Variants in PUM2 observed in about 807,000 individuals in gnomAD.
The protein encoded by PUM2 is pumilio RNA binding family member 2.
A neutral mutation model predicts 124.5 loss-of-function variants in PUM2; 57 were observed. The ratio of observed to expected loss-of-function variants is 0.46; its 90% CI spans 0.37 to 0.57. PUM2 has a LOEUF of 0.57. Among genes scored for constraint, PUM2 ranks in the 20% least tolerant of loss-of-function variants. PUM2 has a pLI of 0.00. For synonymous variants in PUM2, 460 were observed against 446.1 expected, an observed-to-expected ratio of 1.03 and a Z score of -0.39; for missense variants, 1,065 against 1,290.6, an observed-to-expected ratio of 0.83 and a Z score of 2.68.
rs116216956 is a variant in PUM2, at chr2:20,298,049, T to G, written c.884-371A>C. On this transcript the variant is annotated intron_variant, in intron 7 of 20. Coordinates refer to ENST00000361078, the MANE Select transcript of PUM2 (RefSeq NM_015317.5). ...GAGAGCCAGAACTGCTACTGGTAAA[T>G]AGTAGTTTTTCACTCAATCTTATAA... Among the ~76,000 whole-genome samples the G allele has an allele frequency of 4.6e-5, 7 of 152,282 alleles. No individual in the cohort carries two copies. In the East Asian group the frequency reaches 1.3e-3, roughly 29 times the overall value.
rs1662713808 is a variant in PUM2, at chr2:20,249,259, C to T, written c.*2326G>A. The stretch of plus-strand genomic sequence containing the variant: ...TGTACAAAGACAGGAAAGCCATTAC[C>T]AATCTCCAACATGACAGCTTTGATC... On this transcript the variant is annotated 3_prime_UTR_variant, in exon 21 of 21. Coordinates refer to ENST00000361078, the MANE Select transcript of PUM2 (RefSeq NM_015317.5). The T allele has an allele frequency of 6.6e-6, 1 of 152,264 alleles. No individual in the cohort carries two copies. The highest frequency in any genetic ancestry group is 6.5e-5 in the Admixed American group (1 of 15,282). 9.4% of individuals were successfully genotyped at this position (152,264 alleles called of 1,614,324 possible). A position where few individuals can be genotyped will look rare whatever the true frequency, so the allele number is the denominator to read the frequency against.
intron 13 of PUM2, among the ~76,000 whole-genome samples, chr2:20,276,330 A>C (rs532562755): frequency 6.6e-6 from 1 of 151,986 alleles, no homozygotes; most frequent in African/African-American, 2.4e-5. Flanking sequence ...CAAATAACTA[A>C]CACTAACAAA....
chr2:20,263,165 T>C (rs371803768), intron 14 of PUM2, 28 bp downstream of exon 14: 7 of 1,543,590 alleles, frequency 4.5e-6, no homozygotes, highest in Non-Finnish European at 6.2e-6. Context: ...AAAGCAAAAA[T>C]GAAGTGAGAA....
chr2:20,344,055 CTTTAT>C (rs74852145), intron 1 of PUM2, among the ~76,000 whole-genome samples: 4 of 151,550 alleles, frequency 2.6e-5, no homozygotes, highest in African/African-American at 7.3e-5. Flanking sequence ...TATCATTTTA[CTTTAT>C]TTTATTTTAC....
intron 13 of PUM2, among the ~76,000 whole-genome samples, chr2:20,276,120 A>G (rs1161928178): frequency 1.3e-5 from 2 of 152,092 alleles, no homozygotes; most frequent in Non-Finnish European, 2.9e-5. Context: ...AATTTGAACA[A>G]GTGTTTTAGA....
At chr2:20,350,885 A>C, upstream of PUM2, 7 of 679,690 alleles carry the variant, frequency 1.0e-5, no homozygotes, top group Non-Finnish European at 1.1e-5. Context: ...CCCCGGGAGA[A>C]AGGGGAGGGG....
chr2:20,306,166 C>T (rs1678227954), intron 7 of PUM2, among the ~76,000 whole-genome samples: 1 of 152,180 alleles, frequency 6.6e-6, no homozygotes, highest in South Asian at 2.1e-4. Flanking sequence ...GACTGCACCA[C>T]TGCACTCCAG....
At chr2:20,319,371 G>A (rs576795798) in intron 2 of PUM2, among the ~76,000 whole-genome samples, 1 of 152,204 alleles carries the variant, frequency 6.6e-6, no homozygotes, top group Non-Finnish European at 1.5e-5. Context: ...TGTTTGAGAA[G>A]AACAGACTGG....
intron 2 of PUM2, among the ~76,000 whole-genome samples, chr2:20,323,134 C>T (rs1013297686): frequency 6.6e-6 from 1 of 152,074 alleles, no homozygotes; most frequent in African/African-American, 2.4e-5. Flanking sequence ...GCTTCAGTTT[C>T]CTCATCTATA....
chr2:20,346,074 C>T (rs185930468), intron 1 of PUM2, among the ~76,000 whole-genome samples: 3 of 152,192 alleles, frequency 2.0e-5, no homozygotes, highest in African/African-American at 4.8e-5. Context: ...GATATTAAGA[C>T]GAGGGCACCT....
intron 1 of PUM2, among the ~76,000 whole-genome samples, chr2:20,334,548 T>C (rs1270708812): frequency 6.6e-6 from 1 of 152,174 alleles, no homozygotes; most frequent in Non-Finnish European, 1.5e-5. Flanking sequence ...GTCTTAGCTA[T>C]GTAAACGTTC....
At chr2:20,268,769 G>A (rs928189741) in intron 13 of PUM2, among the ~76,000 whole-genome samples, 11 of 152,228 alleles carry the variant, frequency 7.2e-5, no homozygotes, top group African/African-American at 2.6e-4. Context: ...ATATATAAAT[G>A]ACTCAAATGT....
At chr2:20,308,724 A>G (rs1678930563) in intron 5 of PUM2, 140 bp from the exon 6 acceptor site, 1 of 757,620 alleles carries the variant, frequency 1.3e-6, no homozygotes, top group African/African-American at 1.8e-5. Context: ...CCACCTTATC[A>G]CATTTTTTTC....
intron 2 of PUM2, among the ~76,000 whole-genome samples, chr2:20,320,496 G>A (rs1682056454): frequency 6.6e-6 from 1 of 151,870 alleles, no homozygotes; most frequent in South Asian, 2.1e-4. Flanking sequence ...TTCAATTTGA[G>A]CATGTTCCTG....
At chr2:20,256,945 G>A (rs1664918810) in intron 16 of PUM2, among the ~76,000 whole-genome samples, 1 of 148,486 alleles carries the variant, frequency 6.7e-6, no homozygotes, top group Non-Finnish European at 1.5e-5. Context: ...TTCGGAGGCT[G>A]AGGCAGGAGA....
At chr2:20,302,414 C>T (rs1289559177) in intron 7 of PUM2, among the ~76,000 whole-genome samples, 1 of 152,122 alleles carries the variant, frequency 6.6e-6, no homozygotes, top group Non-Finnish European at 1.5e-5. Flanking sequence ...GGTTGTTTGG[C>T]TATCAACAAG....
chr2:20,329,804 G>A (rs565315344), intron 1 of PUM2, among the ~76,000 whole-genome samples: 1 of 152,124 alleles, frequency 6.6e-6, no homozygotes, highest in Non-Finnish European at 1.5e-5. Context: ...TGATTTAGTT[G>A]GGTGTTACAA....
At position 20,293,577 on chromosome 2, in the gene PUM2, G is replaced by A. The variant is rs556476031; in HGVS notation, c.1152+799C>T. 8.5e-5 allele frequency among the ~76,000 whole-genome samples: 13 copies of A among 152,242 alleles called. No individual in the cohort carries two copies. The South Asian group carries it at 2.7e-3, about 32-fold the overall frequency. ...TAGAAAAAATTAGCTGGGTGTGGTG[G>A]TGCACACCTGTAATCCCAGCTACTT... On this transcript the variant is annotated intron_variant, in intron 9 of 20. Transcript: ENST00000361078.
At chr2:20,302,915 C>A (rs2148438031) in intron 7 of PUM2, among the ~76,000 whole-genome samples, 1 of 152,286 alleles carries the variant, frequency 6.6e-6, no homozygotes, top group South Asian at 2.1e-4. Context: ...GCTGACATCA[C>A]AGCCCAAATT....
Sources: gnomAD v4.1 joint callset for allele counts (sites outside exome capture counted in the v4.1 genomes callset) on GRCh38, gnomAD v4.1.1 for gene constraint, MANE v1.5 for transcripts, NCBI Gene and HGNC (gene_info 2026-07-23, HGNC 2026-07-21) for gene names.